RSU1: variants seen among roughly 807,000 people sequenced by gnomAD.
RSU1 encodes the protein Ras suppressor protein 1.
RSU1 carries 26 observed loss-of-function variants against 31.1 expected under a neutral mutation model. The observed-to-expected ratio is 0.84, with a 90% confidence interval of 0.61 to 1.16. RSU1 has a LOEUF of 1.16. Among genes scored for constraint, RSU1 ranks in the 50% most tolerant of loss-of-function variants. The pLI is 0.00. For missense variants in RSU1, 320 were observed against 339.1 expected (o/e 0.94, Z 0.44); for synonymous variants, 164 against 136.3 (o/e 1.20, Z -1.41).
At chr10:16,600,757 C>G (rs1833703983) in intron 8 of RSU1, among the ~76,000 whole-genome samples, 1 of 152,056 alleles carries the variant, frequency 6.6e-6, no homozygotes, top group Non-Finnish European at 1.5e-5. Context: ...GAGATGGGGT[C>G]TCACTATGTT....
intron 7 of RSU1, among the ~76,000 whole-genome samples, chr10:16,743,663 G>C (rs1836793702): frequency 6.6e-6 from 1 of 152,046 alleles, no homozygotes; most frequent in South Asian, 2.1e-4. Context: ...ATAGTAATAG[G>C]ATTTAGGCAA....
At chr10:16,650,155 G>T (rs978511112) in intron 8 of RSU1, among the ~76,000 whole-genome samples, 1 of 152,158 alleles carries the variant, frequency 6.6e-6, no homozygotes, top group South Asian at 2.1e-4. Flanking sequence ...AAAGATGCAG[G>T]CATGTCCATT....
At chr10:16,595,794 CCATCT>C (rs1342511359) in intron 8 of RSU1, among the ~76,000 whole-genome samples, 1 of 148,306 alleles carries the variant, frequency 6.7e-6, no homozygotes, top group Non-Finnish European at 1.5e-5. Flanking sequence ...TGGTGAAACC[CCATCT>C]CTACTAAAAA....
chr10:16,720,626 TA>T (rs754583119), intron 7 of RSU1, among the ~76,000 whole-genome samples: 64 of 152,342 alleles, frequency 4.2e-4, no homozygotes, highest in Non-Finnish European at 8.7e-4. Flanking sequence ...ACAGAATACA[TA>T]AATAAGTATA....
chr10:16,721,331 A>C (rs1325321752), intron 7 of RSU1: 1 of 152,404 alleles, frequency 6.6e-6, no homozygotes, highest in Non-Finnish European at 1.5e-5. Flanking sequence ...GAAGCAGGGG[A>C]GATGAGTCCA....
intron 8 of RSU1, among the ~76,000 whole-genome samples, chr10:16,625,921 C>T (rs1834151010): frequency 6.6e-6 from 1 of 152,216 alleles, no homozygotes; most frequent in Non-Finnish European, 1.5e-5. Context: ...GGATTACTCA[C>T]AACTAACTAC....
chr10:16,636,004 G>C (rs542682425), intron 8 of RSU1, among the ~76,000 whole-genome samples: 31 of 152,196 alleles, frequency 2.0e-4, no homozygotes, highest in Non-Finnish European at 3.7e-4. Context: ...CTTCATGACT[G>C]GCTGCTCCTC....
intron 8 of RSU1, among the ~76,000 whole-genome samples, chr10:16,643,033 T>G (rs550992355): frequency 1.3e-5 from 2 of 152,316 alleles, no homozygotes; most frequent in South Asian, 4.1e-4. Flanking sequence ...ACAAAAAAAA[T>G]TAATATTTTC....
chr10:16,703,768 G>A (rs1343358130), intron 7 of RSU1, among the ~76,000 whole-genome samples: 1 of 152,068 alleles, frequency 6.6e-6, no homozygotes, highest in Admixed American at 6.6e-5. Flanking sequence ...AAGACTAGAA[G>A]AAATACACAT....
chr10:16,744,584 T>G (rs1836812804), intron 7 of RSU1, among the ~76,000 whole-genome samples: 1 of 152,128 alleles, frequency 6.6e-6, no homozygotes, highest in Non-Finnish European at 1.5e-5. Flanking sequence ...TAGGAACAAG[T>G]TAATAATCAT....
intron 8 of RSU1, among the ~76,000 whole-genome samples, chr10:16,649,395 C>G (rs1834637825): frequency 6.6e-6 from 1 of 152,140 alleles, no homozygotes; most frequent in Non-Finnish European, 1.5e-5. Flanking sequence ...AGGGGAAAAT[C>G]TTATCAGTCT....
chr10:16,673,822 T>C (rs1039047055), intron 8 of RSU1, among the ~76,000 whole-genome samples: 8 of 152,206 alleles, frequency 5.3e-5, no homozygotes, highest in Non-Finnish European at 8.8e-5. Context: ...GAGATCAGGC[T>C]CTAAGTACTT....
At chr10:16,669,896 C>G (rs1209157823) in intron 8 of RSU1, among the ~76,000 whole-genome samples, 1 of 152,182 alleles carries the variant, frequency 6.6e-6, no homozygotes, top group South Asian at 2.1e-4. Flanking sequence ...TTTATTCATA[C>G]TTACATGCCC....
chr10:16,795,141 G>C (rs971608119), intron 2 of RSU1, among the ~76,000 whole-genome samples: 1 of 152,080 alleles, frequency 6.6e-6, no homozygotes, highest in Non-Finnish European at 1.5e-5. Flanking sequence ...ATCACCTGAG[G>C]TCAGGAGTTC....
chr10:16,703,683 G>C (rs1303507790), intron 7 of RSU1, among the ~76,000 whole-genome samples: 1 of 152,112 alleles, frequency 6.6e-6, no homozygotes, highest in African/African-American at 2.4e-5. Flanking sequence ...AGGTCAAAAT[G>C]AAGGCTGTAA....
At chr10:16,709,483 T>A (rs1422904976) in intron 7 of RSU1, among the ~76,000 whole-genome samples, 1 of 152,206 alleles carries the variant, frequency 6.6e-6, no homozygotes, top group Non-Finnish European at 1.5e-5. Context: ...TATAGCAGCA[T>A]GATTTATAGT....
At chr10:16,761,697 A>G (rs1837214624) in intron 4 of RSU1, among the ~76,000 whole-genome samples, 1 of 152,054 alleles carries the variant, frequency 6.6e-6, no homozygotes, top group Non-Finnish European at 1.5e-5. Context: ...TCTACTAAAA[A>G]TGTAAAAAAT....
At chr10:16,688,888 G>C (rs1835489529) in intron 8 of RSU1, among the ~76,000 whole-genome samples, 2 of 152,030 alleles carry the variant, frequency 1.3e-5, no homozygotes, top group South Asian at 4.2e-4. Flanking sequence ...TGTGCCTGTA[G>C]TCCCAGGTAC....
intron 8 of RSU1, among the ~76,000 whole-genome samples, chr10:16,687,338 G>A (rs898053441): frequency 2.0e-5 from 3 of 152,044 alleles, no homozygotes; most frequent in African/African-American, 7.2e-5. Context: ...ATGGGAACAA[G>A]CACCTTCCAT....
Sources: gnomAD v4.1 joint callset for allele counts (sites outside exome capture counted in the v4.1 genomes callset) on GRCh38, gnomAD v4.1.1 for gene constraint, MANE v1.5 for transcripts, NCBI Gene and HGNC (gene_info 2026-07-23, HGNC 2026-07-21) for gene names.